JCAD: variants seen among roughly 807,000 people sequenced by gnomAD.
JCAD encodes the protein junctional cadherin 5 associated, also known as junctional cadherin 5-associated protein.
JCAD carries 40 observed loss-of-function variants against 98.0 expected under a neutral mutation model. The ratio of observed to expected loss-of-function variants is 0.41; its 90% confidence interval spans 0.32 to 0.53. The LOEUF (loss-of-function observed/expected upper bound fraction) is 0.53. JCAD is among the 20% of genes least tolerant of loss of function. The pLI, the probability that JCAD is intolerant of heterozygous loss-of-function variation, is 0.31. For synonymous variants in JCAD, 691 were observed against 682.3 expected, an observed-to-expected ratio of 1.01 and a Z score of -0.20; for missense variants, 1,705 against 1,738.1, an observed-to-expected ratio of 0.98 and a Z score of 0.34.
At chr10:30,068,487 C>T (rs575903646) in intron 2 of JCAD, among the ~76,000 whole-genome samples, 5 of 151,374 alleles carry the variant, frequency 3.3e-5, no homozygotes, top group Non-Finnish European at 5.9e-5. Flanking sequence ...ACTCCCATCA[C>T]ACATGGAAGC....
At chr10:30,110,395 AC>A (rs1838671457) in intron 1 of JCAD, among the ~76,000 whole-genome samples, 2 of 151,528 alleles carry the variant, frequency 1.3e-5, no homozygotes, top group Non-Finnish European at 2.9e-5. Context: ...TGATGTGTGG[AC>A]CAGCTGGTGT....
At chr10:30,087,433 C>T (rs764435121) in intron 1 of JCAD, among the ~76,000 whole-genome samples, 52 of 151,796 alleles carry the variant, frequency 3.4e-4, no homozygotes, top group South Asian at 1.3e-3. Flanking sequence ...AGAGAGACTC[C>T]GTCTCAAAAA....
At chr10:30,079,161 C>CCACGGTGATCT (rs1201897021) in intron 1 of JCAD, among the ~76,000 whole-genome samples, 1 of 151,794 alleles carries the variant, frequency 6.6e-6, no homozygotes, top group Admixed American at 6.6e-5. Flanking sequence ...GGAGATGAGA[C>CCACGGTGATCT]CACGGTGAAA....
chr10:30,057,243 T>A (rs1313655224), intron 1 of JCAD, among the ~76,000 whole-genome samples: 1 of 152,216 alleles, frequency 6.6e-6, no homozygotes, highest in Non-Finnish European at 1.5e-5. Flanking sequence ...GACTGGTGTT[T>A]ACTGTCCTCC....
rs751781968 is a variant in JCAD at position 30,028,124 on chromosome 10, A to C, written c.2024T>G (p.Leu675Arg). The C allele has an allele frequency of 1.9e-6, 3 of 1,614,144 alleles. No individual in the cohort carries two copies. Among genetic ancestry groups the C allele is most frequent in the Non-Finnish European group, 2.5e-6 (3 of 1,180,028 alleles). The change falls in exon 3 of 4, where the codon CTC (leucine) becomes CGC (arginine). Residue 675 changes from leucine (L) to arginine (R), a missense_variant. Transcript: ENST00000375377. ...SFIHLTKHRE[L>R]KHSGSWPGHR... ...CCCTGGCCAAGAGCCAGAATGCTTG[A>C]GTTCTCTGTGCTTTGTAAGGTGGAT...
chr10:30,069,998 T>G (rs1168395671), intron 1 of JCAD, among the ~76,000 whole-genome samples: 1 of 152,098 alleles, frequency 6.6e-6, no homozygotes, highest in Non-Finnish European at 1.5e-5. Flanking sequence ...CTGAATGACA[T>G]GTATATCAAG....
intron 1 of JCAD, among the ~76,000 whole-genome samples, chr10:30,107,279 A>G (rs1472592159): frequency 6.6e-6 from 1 of 152,166 alleles, no homozygotes; most frequent in Non-Finnish European, 1.5e-5. Flanking sequence ...CTTGCTGATA[A>G]AACAGCATGA....
At chr10:30,018,257 G>A (rs1391886633) in intron 3 of JCAD, among the ~76,000 whole-genome samples, 3 of 151,544 alleles carry the variant, frequency 2.0e-5, no homozygotes, top group Admixed American at 6.6e-5. Flanking sequence ...TATTAAGGTA[G>A]ATGTCTTATC....
At chr10:30,079,248 G>A (rs1838032682) in intron 1 of JCAD, among the ~76,000 whole-genome samples, 1 of 151,046 alleles carries the variant, frequency 6.6e-6, no homozygotes, top group Non-Finnish European at 1.5e-5. Context: ...TCGGGAGGCT[G>A]AGGCAAGAGA....
chr10:30,092,126 A>ATATAT (rs1491284119), intron 1 of JCAD, among the ~76,000 whole-genome samples: 6 of 107,102 alleles, frequency 5.6e-5, no homozygotes, highest in Admixed American at 1.9e-4. Flanking sequence ...ATATATATAT[A>ATATAT]AAAAACATTT....
rs560987834 is a variant in JCAD at position 30,041,016 on chromosome 10, C to T, written c.281+6516G>A. Among the ~76,000 whole-genome samples the T allele has an allele frequency of 5.3e-5, 8 of 152,208 alleles. No individual in the cohort carries two copies. The East Asian group carries it at 9.7e-4, about 18-fold the overall frequency. ...TGCATGAGGCCCTCGGCAGTGCTGCCGCTGGATCTTCCTTGTCACTCCAGA... is the reference window on the plus strand; with the variant it reads ...TGCATGAGGCCCTCGGCAGTGCTGCTGCTGGATCTTCCTTGTCACTCCAGA... On this transcript the variant is annotated intron_variant, in intron 2 of 3. Transcript: ENST00000375377.
chr10:30,105,356 T>C (rs1411585034), intron 1 of JCAD, among the ~76,000 whole-genome samples: 1 of 149,556 alleles, frequency 6.7e-6, no homozygotes, highest in African/African-American at 2.5e-5. Flanking sequence ...TTTTCTTTCT[T>C]TCTTTTTTTT....
intron 2 of JCAD, among the ~76,000 whole-genome samples, chr10:30,040,992 G>T (rs1589689528): frequency 6.6e-6 from 1 of 152,152 alleles, no homozygotes; most frequent in Non-Finnish European, 1.5e-5. Flanking sequence ...CCAGCAAGAT[G>T]CATGAGGCCC....
chr10:30,113,505 C>T (rs1001296864), intron 1 of JCAD, among the ~76,000 whole-genome samples: 2 of 132,108 alleles, frequency 1.5e-5, no homozygotes, highest in South Asian at 2.6e-4. Context: ...GAGCCAAGAT[C>T]GTGCCACTGC....
At chr10:30,053,228 G>A (rs1837504493) in intron 1 of JCAD, among the ~76,000 whole-genome samples, 1 of 151,892 alleles carries the variant, frequency 6.6e-6, no homozygotes, top group Non-Finnish European at 1.5e-5. Context: ...GGGGTGGGGG[G>A]TGCAGGCTAT....
At chr10:30,039,479 G>A (rs1003429491) in intron 2 of JCAD, among the ~76,000 whole-genome samples, 1 of 152,164 alleles carries the variant, frequency 6.6e-6, no homozygotes, top group East Asian at 1.9e-4. Flanking sequence ...TTCTGGGAGG[G>A]ATGAAATGAG....
At chr10:30,033,062 C>A (rs550529065) in intron 2 of JCAD, among the ~76,000 whole-genome samples, 4 of 152,218 alleles carry the variant, frequency 2.6e-5, no homozygotes, top group African/African-American at 4.8e-5. Flanking sequence ...TTATAATTAC[C>A]ACTACTTCCC....
intron 2 of JCAD, among the ~76,000 whole-genome samples, chr10:30,032,491 TG>T (rs1473161823): frequency 5.3e-5 from 8 of 152,314 alleles, no homozygotes; most frequent in Admixed American, 5.2e-4. Context: ...AACCATTAAC[TG>T]GAAGGAAGTT....
intron 1 of JCAD, among the ~76,000 whole-genome samples, chr10:30,089,702 G>A (rs1055983426): frequency 3.9e-5 from 6 of 152,172 alleles, no homozygotes; most frequent in African/African-American, 1.4e-4. Flanking sequence ...GACAGTGTCT[G>A]ATTTATTCAA....
Sources: gnomAD v4.1 joint callset for allele counts (sites outside exome capture counted in the v4.1 genomes callset) on GRCh38, gnomAD v4.1.1 for gene constraint, MANE v1.5 for transcripts, NCBI Gene and HGNC (gene_info 2026-07-23, HGNC 2026-07-21) for gene names.